The following SNIP1 variants were observed in gnomAD, a reference collection of about 807,000 sequenced individuals.
SNIP1 encodes smad nuclear-interacting protein 1.
Under a neutral mutation model 37.4 loss-of-function variants are expected in SNIP1, and 23 were observed. The ratio of observed to expected loss-of-function variants is 0.61; its 90% CI spans 0.44 to 0.87. SNIP1 has a LOEUF of 0.87. Ranked by LOEUF, SNIP1 falls within the 40% of genes least tolerant of loss-of-function variation. The probability of loss-of-function intolerance (pLI) is 0.00; values close to 1 mark genes in which losing one functional copy is unlikely to be tolerated. For synonymous variants in SNIP1, 174 were observed against 200.0 expected, an observed-to-expected ratio of 0.87 and a Z score of 1.10; for missense variants, 459 against 540.4, an observed-to-expected ratio of 0.85 and a Z score of 1.49.
Position 37,554,009 on chromosome 1 carries a change from C to T in SNIP1, c.221G>A (p.Ser74Asn). Residue 74 changes from serine to asparagine, a missense_variant, in exon 1 of 4, where the codon AGC (serine) becomes AAC (asparagine). Ser to Asn is a conservative substitution (Grantham distance 46). Coordinates refer to ENST00000296215, the MANE Select transcript of SNIP1 (RefSeq NM_024700.4). Reference protein sequence around the residue: ...GHRGNRARGVSRSPPKKKNKA... With the variant: ...GHRGNRARGVNRSPPKKKNKA... ...CCTGGACTGCTCCCCCACTTACCGG[C>T]TAACTCCTCGGGCTCGGTTCCCGCG... The T allele has an allele frequency of 6.4e-7, 1 of 1,562,170 alleles. No homozygotes were observed. The highest frequency in any genetic ancestry group is 8.7e-7 in the Non-Finnish European group (1 of 1,153,646).
At chr1:37,548,152 CAAAA>C (rs35503081) in intron 2 of SNIP1, among the ~76,000 whole-genome samples, 2 of 65,346 alleles carry the variant, frequency 3.1e-5, no homozygotes, top group Non-Finnish European at 5.3e-5. Flanking sequence ...GACTCCATAT[CAAAA>C]AAAAAAAAAA....
intron 1 of SNIP1, among the ~76,000 whole-genome samples, chr1:37,553,257 G>C (rs898044727): frequency 2.0e-5 from 3 of 152,074 alleles, no homozygotes; most frequent in South Asian, 2.1e-4. Flanking sequence ...TCCTCTGCCT[G>C]GATCTTTAAG....
chr1:37,537,998 G>A lies in SNIP1; in HGVS notation c.941C>T (p.Thr314Ile). ...AVFQYRLVEY[T>I]RADGTVGRRV... ...TCGGCCAACTGTGCCATCAGCACGG[G>A]TATATTCCACAAGCCTAGCAGAAAA... Residue 314 changes from threonine (T) to isoleucine (I), a missense_variant, in exon 4 of 4, where the codon ACC becomes ATC. Coordinates refer to ENST00000296215, the MANE Select transcript of SNIP1 (RefSeq NM_024700.4). 1 of 1,605,146 alleles carries A rather than the reference G, an allele frequency of 6.2e-7. No homozygotes were observed. Among genetic ancestry groups the A allele is most frequent in the South Asian group, 1.1e-5 (1 of 89,872 alleles).
At chr1:37,546,596 C>T (rs905741606) in intron 2 of SNIP1, among the ~76,000 whole-genome samples, 4 of 152,028 alleles carry the variant, frequency 2.6e-5, no homozygotes, top group Admixed American at 6.6e-5. Context: ...ATCACTTGAA[C>T]GCCAGAAGTG....
At position 37,538,136 on chromosome 1, in the gene SNIP1, A is replaced by C. The variant is rs1211194221; in HGVS notation, c.927-124T>G. ...ACCTGGCTTGAGCACAATTCAAGTTAAAATTCTAGGGAATCAAAGAAATCA... is the reference window on the plus strand; with the variant it reads ...ACCTGGCTTGAGCACAATTCAAGTTCAAATTCTAGGGAATCAAAGAAATCA... On this transcript the variant is annotated intron_variant, in intron 3 of 3. Coordinates refer to ENST00000296215, the MANE Select transcript of SNIP1 (RefSeq NM_024700.4). The C allele has an allele frequency of 4.3e-6, 5 of 1,154,380 alleles. No homozygotes were observed. In the African/African-American group the frequency reaches 6.2e-5, roughly 14 times the overall value. 71.5% of individuals were successfully genotyped at this position (1,154,380 alleles called of 1,614,324 possible).
chr1:37,546,154 C>T (rs931672633), intron 2 of SNIP1, among the ~76,000 whole-genome samples: 13 of 150,246 alleles, frequency 8.7e-5, no homozygotes, highest in East Asian at 1.9e-4. Context: ...GACCCCCCCC[C>T]CCCCCGCTCC....
In SNIP1 at chr1:37,540,449, T is replaced by C; in HGVS notation, c.634A>G (p.Asn212Asp). The change falls in exon 3 of 4, where the codon AAC becomes GAC. Residue 212 changes from asparagine to aspartate, a missense_variant. Transcript: ENST00000296215. This position sits in a 1 kb window ranked among gnomAD's most constrained non-coding sequence, Gnocchi z 5.6. The stretch of plus-strand genomic sequence containing the variant: ...GCGGGCACCTCTTTTTCTTTGTTGT[T>C]GCCACCAGGCCGAGGAACCAACTCC... ...SQELVPRPGG[N>D]NKEKEVPAKE... 1 of 1,614,104 alleles carries C rather than the reference T, an allele frequency of 6.2e-7. No individual in the cohort carries two copies. The highest frequency in any genetic ancestry group is 1.1e-5 in the South Asian group (1 of 91,078).
intron 2 of SNIP1, among the ~76,000 whole-genome samples, chr1:37,547,924 A>C (rs905404201): frequency 1.3e-5 from 2 of 151,906 alleles, no homozygotes; most frequent in African/African-American, 4.8e-5. Flanking sequence ...AGGCAGGTGG[A>C]TTACGAGGTC....
intron 2 of SNIP1, among the ~76,000 whole-genome samples, chr1:37,552,022 C>G (rs1322236933): frequency 1.3e-5 from 2 of 152,122 alleles, no homozygotes; most frequent in African/African-American, 4.8e-5. Context: ...TAAATCCATG[C>G]CATTTGGATA....
Position 37,537,815 on chromosome 1 carries a change from T to C in SNIP1, c.1124A>G (p.Asp375Gly). 6.2e-7 allele frequency: 1 copy of C among 1,614,236 alleles called. No individual in the cohort carries two copies. Reference protein sequence around the residue: ...REYVLLHESSDTSEIDRKDDE... With the variant: ...REYVLLHESSGTSEIDRKDDE... ...ATCTTTCCTGTCTATTTCAGAAGTG[T>C]CCGACGACTCATGGAGCAAGACGTA... Residue 375 changes from aspartate (D) to glycine (G), a missense_variant, in exon 4 of 4, where the codon GAC (aspartate) becomes GGC (glycine). Asp to Gly is a moderately conservative substitution (Grantham distance 94). Coordinates refer to ENST00000296215, the MANE Select transcript of SNIP1 (RefSeq NM_024700.4).
At chr1:37,552,386 A>C in intron 2 of SNIP1, 1 of 430,722 alleles carries the variant, frequency 2.3e-6, no homozygotes, top group Non-Finnish European at 4.3e-6. Flanking sequence ...AACCAGGAAG[A>C]GTATATCTCC....
At chr1:37,547,030 T>C (rs1375416516) in intron 2 of SNIP1, among the ~76,000 whole-genome samples, 1 of 152,226 alleles carries the variant, frequency 6.6e-6, no homozygotes, top group African/African-American at 2.4e-5. Flanking sequence ...CAGTCCTTTG[T>C]TGGTTGTTCT....
intron 2 of SNIP1, among the ~76,000 whole-genome samples, chr1:37,543,359 G>A (rs376816180): frequency 2.6e-5 from 4 of 151,606 alleles, no homozygotes; most frequent in African/African-American, 7.3e-5. Context: ...TAGCAGAAAC[G>A]CACAAAGACA....
At chr1:37,550,469 G>A (rs1473645755) in intron 2 of SNIP1, among the ~76,000 whole-genome samples, 1 of 152,096 alleles carries the variant, frequency 6.6e-6, no homozygotes, top group African/African-American at 2.4e-5. Context: ...CACTTTGGGA[G>A]GCTGAGGCAG....
chr1:37,553,942 A>G, intron 1 of SNIP1, 64 bp downstream of exon 1: 2 of 1,510,380 alleles, frequency 1.3e-6, no homozygotes, highest in South Asian at 1.2e-5. Context: ...TTCGGACGCT[A>G]GCCCTGCCCG....
intron 2 of SNIP1, 59 bp downstream of exon 2, chr1:37,552,586 T>A: frequency 1.5e-6 from 2 of 1,354,716 alleles, no homozygotes; most frequent in Non-Finnish European, 2.1e-6. Context: ...CATTCCTCTT[T>A]AGCTGTGATA....
chr1:37,545,083 G>C (rs939935958), intron 2 of SNIP1: 2 of 747,222 alleles, frequency 2.7e-6, no homozygotes, highest in African/African-American at 3.4e-5. Flanking sequence ...AAAAACTTGG[G>C]AATCAGTCAC....
Position 37,538,026 on chromosome 1 carries a change from AG to A in SNIP1, c.927-15del, listed in dbSNP as rs751045303. The A allele has an allele frequency of 6.4e-7, 1 of 1,572,792 alleles. No homozygotes were observed. Among genetic ancestry groups the A allele is most frequent in the Admixed American group, 1.9e-5 (1 of 51,852 alleles). ...TATTCCACAAGCCTAGCAGAAAAAA[AG>A]GAGAAACCTGTGAGCAAACTTCTGC... is the stretch of plus-strand genomic sequence containing the variant. On this transcript the variant is annotated splice_polypyrimidine_tract_variant and intron_variant, in intron 3 of 3. Coordinates refer to ENST00000296215, the MANE Select transcript of SNIP1 (RefSeq NM_024700.4).
Position 37,535,790 on chromosome 1 carries a change from T to G in SNIP1, c.*1958A>C, listed in dbSNP as rs548150239. On this transcript the variant is annotated 3_prime_UTR_variant, in exon 4 of 4. Transcript: ENST00000296215. Reference sequence around the variant, plus strand: ...AAAATAGCAGTTACAGTGGCCAATGTAGAACACATTCTTCAACTTACCTTT... The same window carrying G: ...AAAATAGCAGTTACAGTGGCCAATGGAGAACACATTCTTCAACTTACCTTT... 1 of 151,694 alleles carries G rather than the reference T, an allele frequency of 6.6e-6. No homozygotes were observed. Among genetic ancestry groups the G allele is most frequent in the African/African-American group, 2.4e-5 (1 of 41,390 alleles). The allele number at this position is 151,694 out of a possible 1,614,324, so 9.4% of individuals were successfully genotyped here. A position where few individuals can be genotyped will look rare whatever the true frequency, so the allele number is the denominator to read the frequency against.
Sources: allele counts gnomAD v4.1 joint callset (sites outside exome capture counted in the v4.1 genomes callset), GRCh38; gene constraint gnomAD v4.1.1; non-coding constraint Gnocchi (gnomAD v3.1); transcripts MANE v1.5; gene names NCBI Gene and HGNC (gene_info 2026-07-23, HGNC 2026-07-21).